The following NFIA variants were observed in gnomAD, a reference collection of about 807,000 sequenced individuals.
NFIA encodes the protein nuclear factor I A.
Under a neutral mutation model 62.8 loss-of-function variants are expected in NFIA, and 8 were observed. The observed-to-expected ratio is 0.13, with a 90% CI of 0.07 to 0.23. NFIA has a LOEUF of 0.23. NFIA is among the 10% of genes least tolerant of loss of function. NFIA has a pLI of 1.00. For synonymous variants in NFIA, 235 were observed against 238.1 expected (o/e 0.99, Z 0.12); for missense variants, 410 against 642.1 (o/e 0.64, Z 3.91).
At chr1:61,122,294 C>T (rs556843733) in intron 2 of NFIA, among the ~76,000 whole-genome samples, 1 of 152,210 alleles carries the variant, frequency 6.6e-6, no homozygotes, top group South Asian at 2.1e-4. Flanking sequence ...GATGGCAATC[C>T]GGTATTATAA....
At chr1:61,233,746 C>G (rs929510648) in intron 2 of NFIA, among the ~76,000 whole-genome samples, 1 of 152,134 alleles carries the variant, frequency 6.6e-6, no homozygotes, top group Admixed American at 6.5e-5. Context: ...AGTAAAAAAC[C>G]TAGCACAGTG....
intron 2 of NFIA, among the ~76,000 whole-genome samples, chr1:61,219,638 C>T (rs333138): frequency 0.068 from 10,079 of 147,212 alleles, 444 homozygotes; most frequent in East Asian, 0.19. Flanking sequence ...GGCGTGAACG[C>T]GGGAGGCGGA....
rs1437438007 is a variant in NFIA, at chr1:61,427,678, C to T, written c.1512+1122C>T. Among the ~76,000 whole-genome samples the T allele has an allele frequency of 3.3e-5, 5 of 152,166 alleles. No individual in the cohort carries two copies. The East Asian group carries it at 5.8e-4, about 18-fold the overall frequency. On this transcript the variant is annotated intron_variant, in intron 10 of 10. Transcript: ENST00000403491. ...ACTGCATTGTATCTGAAGCCTTCCTCACACTGAAGCAGGGTCACAGAAAGT... is the reference window on the plus strand; with the variant it reads ...ACTGCATTGTATCTGAAGCCTTCCTTACACTGAAGCAGGGTCACAGAAAGT...
In NFIA at chr1:61,394,474, A is replaced by G. The variant is rs149885072; in HGVS notation, c.1076-9630A>G. 3.4e-3 allele frequency among the ~76,000 whole-genome samples: 515 copies of G among 152,294 alleles called. 1 individual carries two copies. Among genetic ancestry groups the G allele is most frequent in the African/African-American group, 0.012 (502 of 41,558 alleles). On this transcript the variant is annotated intron_variant, in intron 7 of 10. Coordinates refer to ENST00000403491, the MANE Select transcript of NFIA (RefSeq NM_001134673.4). ...AGGCGTGAGCCACCATGCCTGACCA[A>G]TTGCTGCTACTATTTAAAGATAAGA... is the stretch of plus-strand genomic sequence containing the variant.
At chr1:61,398,288 T>A (rs1307361378) in intron 7 of NFIA, among the ~76,000 whole-genome samples, 2 of 152,218 alleles carry the variant, frequency 1.3e-5, no homozygotes, top group Non-Finnish European at 2.9e-5. Context: ...CAACTCCTGG[T>A]CTAGTCAGGG....
At chr1:61,405,142 C>T (rs1419634146) in intron 8 of NFIA, among the ~76,000 whole-genome samples, 1 of 152,140 alleles carries the variant, frequency 6.6e-6, no homozygotes, top group African/African-American at 2.4e-5. Flanking sequence ...ATCCTGTCAC[C>T]GATTTTTTTC....
chr1:61,420,161 C>G (rs1250690778), intron 9 of NFIA, among the ~76,000 whole-genome samples: 1 of 152,176 alleles, frequency 6.6e-6, no homozygotes, highest in African/African-American at 2.4e-5. Context: ...ATTACTAATA[C>G]TAACCCAGGC....
At chr1:61,326,424 A>G (rs920466583) in intron 3 of NFIA, among the ~76,000 whole-genome samples, 3 of 152,288 alleles carry the variant, frequency 2.0e-5, no homozygotes, top group African/African-American at 7.2e-5. Flanking sequence ...TATTGCTGGA[A>G]ATGAGAGAAA....
Position 61,462,540 on chromosome 1 carries a change from T to C in NFIA, c.*7220T>C, listed in dbSNP as rs1668587479. 1 of 152,230 alleles carries C rather than the reference T, an allele frequency of 6.6e-6. No individual in the cohort carries two copies. The highest frequency in any genetic ancestry group is 2.1e-4 in the South Asian group (1 of 4,832). The allele number at this position is 152,230 out of a possible 1,614,324, so 9.4% of individuals were successfully genotyped here. A position where few individuals can be genotyped will look rare whatever the true frequency, so the allele number is the denominator to read the frequency against. On this transcript the variant is annotated 3_prime_UTR_variant, in exon 11 of 11. Coordinates refer to ENST00000403491, the MANE Select transcript of NFIA (RefSeq NM_001134673.4). ...CCCCTGTGCCTCTAGTATACTTGTA[T>C]TGACTCTCATAGTTACCCTTTTAGT... is the stretch of plus-strand genomic sequence containing the variant.
intron 2 of NFIA, among the ~76,000 whole-genome samples, chr1:61,112,587 A>G (rs2100455565): frequency 6.6e-6 from 1 of 152,318 alleles, no homozygotes; most frequent in South Asian, 2.1e-4. Context: ...GGTGTATATT[A>G]AAGGTAGTTT....
At chr1:61,259,889 A>G (rs566570703) in intron 2 of NFIA, among the ~76,000 whole-genome samples, 5 of 152,334 alleles carry the variant, frequency 3.3e-5, no homozygotes, top group Admixed American at 6.5e-5. Context: ...TGCAGTTGAG[A>G]AGAGTAGAAT....
At chr1:61,324,682 C>T (rs887687096) in intron 3 of NFIA, among the ~76,000 whole-genome samples, 1 of 152,158 alleles carries the variant, frequency 6.6e-6, no homozygotes, top group Admixed American at 6.5e-5. Context: ...CTCTTCAAAT[C>T]TTAACTTTGT....
chr1:61,351,420 A>G (rs1662544193), intron 4 of NFIA, among the ~76,000 whole-genome samples: 1 of 152,176 alleles, frequency 6.6e-6, no homozygotes, highest in African/African-American at 2.4e-5. Flanking sequence ...ATGGATACTA[A>G]CCTGTAATTT....
intron 2 of NFIA, among the ~76,000 whole-genome samples, chr1:61,137,872 AT>A (rs1647230758): frequency 6.6e-6 from 1 of 152,122 alleles, no homozygotes; most frequent in African/African-American, 2.4e-5. Context: ...TTGTTTATGC[AT>A]TAATTAGCAT....
chr1:61,078,408 C>T (rs1779860), upstream of NFIA, among the ~76,000 whole-genome samples: 150,922 of 152,360 alleles, frequency 0.99, 74,764 homozygotes, highest in Middle Eastern at 1. Flanking sequence ...CTCAGGGAAG[C>T]TGGTAACTTG....
intron 2 of NFIA, among the ~76,000 whole-genome samples, chr1:61,099,972 T>C (rs576448009): frequency 2.0e-5 from 3 of 152,176 alleles, no homozygotes; most frequent in Non-Finnish European, 4.4e-5. Context: ...GCCAGACCCT[T>C]CTATGGCCTG....
intron 2 of NFIA, among the ~76,000 whole-genome samples, chr1:61,208,735 TG>T (rs1284932158): frequency 6.6e-6 from 1 of 152,220 alleles, no homozygotes; most frequent in Non-Finnish European, 1.5e-5. Flanking sequence ...AAGGTTGTCC[TG>T]GCATTTCTTC....
chr1:61,354,578 C>G lies in NFIA; in HGVS notation c.818+2011C>G, dbSNP rs1458712813. Among the ~76,000 whole-genome samples, 3 of 152,230 alleles carry G rather than the reference C, an allele frequency of 2.0e-5. No individual in the cohort carries two copies. The East Asian group carries it at 5.8e-4, about 29-fold the overall frequency. On this transcript the variant is annotated intron_variant, in intron 5 of 10. Transcript: ENST00000403491. ...AAGCTCAGAGAAGTTAAGTAACTTGCCCAAAGTCACAGTCCTAGTGAATAG... is the reference window on the plus strand; with the variant it reads ...AAGCTCAGAGAAGTTAAGTAACTTGGCCAAAGTCACAGTCCTAGTGAATAG...
chr1:61,195,907 A>G (rs1404993591), intron 2 of NFIA, among the ~76,000 whole-genome samples: 1 of 152,172 alleles, frequency 6.6e-6, no homozygotes, highest in Non-Finnish European at 1.5e-5. Flanking sequence ...ACCGTTTTAA[A>G]TCAGTCTGGA....
Sources: allele counts gnomAD v4.1 joint callset (sites outside exome capture counted in the v4.1 genomes callset), GRCh38; gene constraint gnomAD v4.1.1; transcripts MANE v1.5; gene names NCBI Gene and HGNC (gene_info 2026-07-23, HGNC 2026-07-21).